NRXN3: variants seen among roughly 807,000 people sequenced by gnomAD.
NRXN3 encodes the protein neurexin 3, also known as neurexin III.
NRXN3 carries 32 observed loss-of-function variants against 137.6 expected under a neutral mutation model. That is an observed-to-expected ratio of 0.23 (90% CI 0.18 to 0.31). The LOEUF is 0.31. Ranked by LOEUF, NRXN3 falls within the 10% of genes least tolerant of loss-of-function variation. The pLI, the probability that NRXN3 is intolerant of heterozygous loss-of-function variation, is 1.00. For synonymous variants in NRXN3, 798 were observed against 784.5 expected, an observed-to-expected ratio of 1.02 and a Z score of -0.29; for missense variants, 1,574 against 2,062.5, an observed-to-expected ratio of 0.76 and a Z score of 4.59.
intron 15 of NRXN3, among the ~76,000 whole-genome samples, chr14:79,093,851 C>T (rs532926835): frequency 4.6e-5 from 7 of 152,160 alleles, no homozygotes; most frequent in African/African-American, 1.4e-4. Context: ...TCTACATGAC[C>T]GGGCTTTAGT....
Position 78,964,345 on chromosome 14 carries a change from G to C in NRXN3, c.2396-1680G>C, listed in dbSNP as rs752801164. Among the ~76,000 whole-genome samples the C allele has an allele frequency of 2.6e-4, 40 of 152,336 alleles. 1 individual carries two copies. The highest frequency in any genetic ancestry group is 2.2e-3 in the Admixed American group (34 of 15,310). ...GACAGAACTGCCCACTTGAATAGTA[G>C]TTCAGAACTGGGCAGACATCCTTTG... On this transcript the variant is annotated intron_variant, in intron 11 of 20. Transcript: ENST00000335750.
intron 10 of NRXN3, among the ~76,000 whole-genome samples, chr14:78,898,703 G>T (rs978962332): frequency 1.3e-5 from 2 of 151,224 alleles, no homozygotes; most frequent in African/African-American, 4.9e-5. Flanking sequence ...TATTTACTTT[G>T]CCCATCTATC....
At chr14:79,824,912 A>T (rs1409942435) in intron 20 of NRXN3, among the ~76,000 whole-genome samples, 1 of 152,244 alleles carries the variant, frequency 6.6e-6, no homozygotes, top group East Asian at 1.9e-4. Flanking sequence ...ATTTGATAAC[A>T]TCTATGCATA....
intron 6 of NRXN3, among the ~76,000 whole-genome samples, chr14:78,677,767 T>C (rs1567038979): frequency 1.3e-5 from 2 of 152,148 alleles, no homozygotes; most frequent in Non-Finnish European, 2.9e-5. Flanking sequence ...TGTGGCAAAC[T>C]TCGTTGTTGT....
In NRXN3 at chr14:78,826,981, A is replaced by C. The variant is rs377222887; in HGVS notation, c.2275+16637A>C. ...ACTACTGTTAATTTTGCTAGTAAAA[A>C]TAAGTTCTCCCTGATTTTGGTTATT... On this transcript the variant is annotated intron_variant, in intron 10 of 20. Coordinates refer to ENST00000335750, the MANE Select transcript of NRXN3 (RefSeq NM_001330195.2). Among the ~76,000 whole-genome samples, 5 of 152,204 alleles carry C rather than the reference A, an allele frequency of 3.3e-5. No individual in the cohort carries two copies. In the East Asian group the frequency reaches 7.7e-4, roughly 23 times the overall value.
At chr14:78,304,323 A>G (rs2077154435) in intron 4 of NRXN3, among the ~76,000 whole-genome samples, 1 of 152,224 alleles carries the variant, frequency 6.6e-6, no homozygotes, top group South Asian at 2.1e-4. Flanking sequence ...AAGAAGGACT[A>G]TGCCTCAGAT....
intron 16 of NRXN3, among the ~76,000 whole-genome samples, chr14:79,483,568 G>T (rs1600966960): frequency 6.6e-6 from 1 of 152,162 alleles, no homozygotes; most frequent in Admixed American, 6.5e-5. Flanking sequence ...TCTCTTTGAG[G>T]CATGCAGTCT....
At chr14:78,535,992 A>G (rs2096531979) in intron 4 of NRXN3, among the ~76,000 whole-genome samples, 1 of 152,088 alleles carries the variant, frequency 6.6e-6, no homozygotes, top group Non-Finnish European at 1.5e-5. Flanking sequence ...ATTCTGCTCA[A>G]CGTTCTCATC....
At chr14:78,364,746 T>C (rs4384537) in intron 4 of NRXN3, among the ~76,000 whole-genome samples, 149,357 of 152,316 alleles carry the variant, frequency 0.98, 73,272 homozygotes, top group Non-Finnish European at 1. Flanking sequence ...ATCCACAAAA[T>C]AGACAGGTGT....
chr14:78,814,133 G>A (rs533657949), intron 10 of NRXN3, among the ~76,000 whole-genome samples: 2 of 152,268 alleles, frequency 1.3e-5, no homozygotes, highest in Admixed American at 6.5e-5. Flanking sequence ...ATTACAGAGT[G>A]TGTAAATCAA....
intron 15 of NRXN3, among the ~76,000 whole-genome samples, chr14:79,388,204 C>T (rs1461321611): frequency 6.6e-6 from 1 of 152,020 alleles, no homozygotes; most frequent in Non-Finnish European, 1.5e-5. Context: ...CCCCCTTCAC[C>T]TTCTGCCATG....
At chr14:78,368,652 A>C (rs2086359744) in intron 4 of NRXN3, among the ~76,000 whole-genome samples, 1 of 152,186 alleles carries the variant, frequency 6.6e-6, no homozygotes, top group South Asian at 2.1e-4. Flanking sequence ...CTGAGATCAC[A>C]CCATTGCACT....
In NRXN3 at chr14:79,330,222, G is replaced by A. The variant is rs139677900; in HGVS notation, c.3263-136999G>A. ...TGTTAATAGACAGATGAACAAGGGAGCTATTGTGAGAGTCCAGGTATGAGA... is the reference window on the plus strand; with the variant it reads ...TGTTAATAGACAGATGAACAAGGGAACTATTGTGAGAGTCCAGGTATGAGA... On this transcript the variant is annotated intron_variant, in intron 15 of 20. Coordinates refer to ENST00000335750, the MANE Select transcript of NRXN3 (RefSeq NM_001330195.2). 6.7e-3 allele frequency among the ~76,000 whole-genome samples: 1,025 copies of A among 152,216 alleles called. 10 individuals are homozygous for A. Among genetic ancestry groups the A allele is most frequent in the African/African-American group, 0.024 (987 of 41,536 alleles).
At chr14:79,223,292 A>G (rs753787823) in intron 15 of NRXN3, among the ~76,000 whole-genome samples, 15 of 152,274 alleles carry the variant, frequency 9.9e-5, no homozygotes, top group Middle Eastern at 6.8e-3. Flanking sequence ...AGCCATGGGC[A>G]TTGTTCATTA....
intron 4 of NRXN3, among the ~76,000 whole-genome samples, chr14:78,531,304 A>G (rs2153811724): frequency 6.6e-6 from 1 of 152,278 alleles, no homozygotes. Flanking sequence ...GAGAGAGTGA[A>G]GTTTTCTTCC....
At chr14:79,236,543 T>C (rs2073395377) in intron 15 of NRXN3, among the ~76,000 whole-genome samples, 1 of 152,070 alleles carries the variant, frequency 6.6e-6, no homozygotes, top group Non-Finnish European at 1.5e-5. Flanking sequence ...TATTAACCAT[T>C]CCCCAGGGTA....
chr14:79,448,512 G>A (rs1348449409), intron 15 of NRXN3, among the ~76,000 whole-genome samples: 1 of 152,154 alleles, frequency 6.6e-6, no homozygotes, highest in Non-Finnish European at 1.5e-5. Flanking sequence ...TATAGAAGGA[G>A]CATAATAAAT....
chr14:78,809,957 G>C (rs2098900793), intron 9 of NRXN3, among the ~76,000 whole-genome samples: 1 of 151,168 alleles, frequency 6.6e-6, no homozygotes, highest in Non-Finnish European at 1.5e-5. Flanking sequence ...ATTTTTCCAA[G>C]TTTGACAAAA....
At chr14:78,443,787 A>G (rs1387129499) in intron 4 of NRXN3, among the ~76,000 whole-genome samples, 1 of 152,232 alleles carries the variant, frequency 6.6e-6, no homozygotes, top group East Asian at 1.9e-4. Flanking sequence ...AGCTGGGTAC[A>G]TAGTAGGAGC....
Sources: gnomAD v4.1 joint callset for allele counts (sites outside exome capture counted in the v4.1 genomes callset) on GRCh38, gnomAD v4.1.1 for gene constraint, MANE v1.5 for transcripts, NCBI Gene and HGNC (gene_info 2026-07-23, HGNC 2026-07-21) for gene names.